The following FBXO36 variants were observed in gnomAD, a reference collection of about 807,000 sequenced individuals.
The protein encoded by FBXO36 is F-box protein 36.
FBXO36 carries 18 observed loss-of-function variants against 17.0 expected under a neutral mutation model. The ratio of observed to expected loss-of-function variants is 1.06; its 90% CI spans 0.73 to 1.57. FBXO36 has a LOEUF of 1.57. Ranked by LOEUF, FBXO36 falls within the 40% of genes most tolerant of loss-of-function variation. FBXO36 has a pLI of 0.00. For synonymous variants in FBXO36, 83 were observed against 85.3 expected, an observed-to-expected ratio of 0.97 and a Z score of 0.15; for missense variants, 229 against 221.9, an observed-to-expected ratio of 1.03 and a Z score of -0.20.
chr2:229,925,482 GAT>G (rs898310504), intron 1 of FBXO36, among the ~76,000 whole-genome samples: 3 of 152,076 alleles, frequency 2.0e-5, no homozygotes, highest in Non-Finnish European at 4.4e-5. Flanking sequence ...TGTTTTATAA[GAT>G]AGATTTTTTT....
At chr2:229,941,712 T>G (rs2076999652) in intron 1 of FBXO36, among the ~76,000 whole-genome samples, 1 of 152,056 alleles carries the variant, frequency 6.6e-6, no homozygotes, top group Admixed American at 6.6e-5. Context: ...ATCTCACCTT[T>G]TAGTAGAGAA....
At chr2:229,998,896 A>G (rs1024925105) in intron 3 of FBXO36, among the ~76,000 whole-genome samples, 45 of 142,704 alleles carry the variant, frequency 3.2e-4, no homozygotes, top group African/African-American at 1.2e-3. Flanking sequence ...TCTGCCTCCC[A>G]GGTTCACGCC....
At chr2:229,941,976 A>G (rs1419699472) in intron 1 of FBXO36, among the ~76,000 whole-genome samples, 1 of 152,134 alleles carries the variant, frequency 6.6e-6, no homozygotes, top group Non-Finnish European at 1.5e-5. Context: ...AGATTATGCC[A>G]CTGCACTCCA....
intron 1 of FBXO36, among the ~76,000 whole-genome samples, chr2:229,955,026 A>T (rs1306453908): frequency 1.3e-5 from 2 of 151,576 alleles, no homozygotes; most frequent in African/African-American, 4.9e-5. Flanking sequence ...ATATTTTTGT[A>T]TTTTTAGTAG....
At chr2:230,007,000 A>G (rs992524617) in intron 3 of FBXO36, among the ~76,000 whole-genome samples, 2 of 152,330 alleles carry the variant, frequency 1.3e-5, no homozygotes, top group East Asian at 1.9e-4. Context: ...CTCTGATTCT[A>G]TGTTGACCAA....
Position 229,982,364 on chromosome 2 carries a change from G to T in FBXO36, c.205+6015G>T, listed in dbSNP as rs59384754. 2.0e-5 allele frequency among the ~76,000 whole-genome samples: 3 copies of T among 152,160 alleles called. No homozygotes were observed. The East Asian group carries it at 5.8e-4, about 29-fold the overall frequency. ...TGCAAAGCCAACAATGGCAGGTCTT[G>T]TCTTTCTCACGAGGCATCACTCTCA... On this transcript the variant is annotated intron_variant, in intron 2 of 3. Transcript: ENST00000283946.
chr2:229,976,500 A>G (rs2077209107), intron 2 of FBXO36, 151 bp downstream of exon 2: 4 of 603,182 alleles, frequency 6.6e-6, no homozygotes, highest in Non-Finnish European at 1.1e-5. Flanking sequence ...AAAACTAGAA[A>G]ACTGTTGTTT....
intron 1 of FBXO36, among the ~76,000 whole-genome samples, chr2:229,955,859 C>T (rs1220098851): frequency 6.6e-6 from 1 of 152,190 alleles, no homozygotes; most frequent in Non-Finnish European, 1.5e-5. Flanking sequence ...ACATGTTTAA[C>T]AGGTTTAACA....
At chr2:229,933,110 A>G (rs2076947646) in intron 1 of FBXO36, among the ~76,000 whole-genome samples, 1 of 152,150 alleles carries the variant, frequency 6.6e-6, no homozygotes, top group African/African-American at 2.4e-5. Flanking sequence ...AAGATTGTAT[A>G]TTAGAGGCTG....
chr2:229,938,032 A>G (rs1350703305), intron 1 of FBXO36: 2 of 152,342 alleles, frequency 1.3e-5, no homozygotes, highest in African/African-American at 4.8e-5. Flanking sequence ...CAGTGGAGCG[A>G]TCTTGGCTTG....
intron 1 of FBXO36, among the ~76,000 whole-genome samples, chr2:229,961,532 C>T (rs2077121183): frequency 6.6e-6 from 1 of 152,198 alleles, no homozygotes; most frequent in Non-Finnish European, 1.5e-5. Context: ...CATGCCACCA[C>T]GCCCAGCTAA....
intron 2 of FBXO36, among the ~76,000 whole-genome samples, chr2:229,994,513 T>C (rs2077314731): frequency 1.3e-5 from 2 of 152,194 alleles, no homozygotes; most frequent in South Asian, 4.1e-4. Context: ...CATTCTGAAA[T>C]CAGAGAGCCC....
chr2:229,926,195 C>T (rs1038010593), intron 1 of FBXO36, among the ~76,000 whole-genome samples: 1 of 150,616 alleles, frequency 6.6e-6, no homozygotes, highest in Non-Finnish European at 1.5e-5. Flanking sequence ...TTTGGGAGGC[C>T]GACACAGGCA....
intron 1 of FBXO36, among the ~76,000 whole-genome samples, chr2:229,948,994 C>T (rs1017652291): frequency 4.6e-5 from 7 of 152,158 alleles, no homozygotes; most frequent in African/African-American, 9.7e-5. Context: ...CCACCACACC[C>T]GGCTAATTTT....
chr2:229,992,306 C>T (rs780400695), intron 2 of FBXO36, among the ~76,000 whole-genome samples: 2 of 151,918 alleles, frequency 1.3e-5, no homozygotes, highest in African/African-American at 2.4e-5. Context: ...TACAGGTGCC[C>T]GCCTCCATGC....
chr2:229,957,379 C>T (rs527774545), intron 1 of FBXO36, among the ~76,000 whole-genome samples: 1 of 152,178 alleles, frequency 6.6e-6, no homozygotes, highest in Non-Finnish European at 1.5e-5. Context: ...TAGTTTGAGA[C>T]TAGCCTGGCC....
intron 1 of FBXO36, among the ~76,000 whole-genome samples, chr2:229,964,695 A>G (rs2077141779): frequency 6.6e-6 from 1 of 151,950 alleles, no homozygotes; most frequent in Non-Finnish European, 1.5e-5. Context: ...TATTTTTTGT[A>G]TTTTTAGTAG....
At chr2:229,975,850 C>T (rs1560447044) in intron 1 of FBXO36, among the ~76,000 whole-genome samples, 1 of 151,492 alleles carries the variant, frequency 6.6e-6, no homozygotes, top group Admixed American at 6.6e-5. Flanking sequence ...TCTTGTTACC[C>T]AGGCTGGAGT....
rs1051849428 is a variant in FBXO36, at chr2:230,011,103, C to G, written c.*219C>G. The G allele has an allele frequency of 2.0e-6, 1 of 501,756 alleles. No homozygotes were observed. Among genetic ancestry groups the G allele is most frequent in the African/African-American group, 1.9e-5 (1 of 52,132 alleles). The allele number at this position is 501,756 out of a possible 1,614,324, so 31.1% of individuals were successfully genotyped here. On this transcript the variant is annotated 3_prime_UTR_variant, in exon 4 of 4. Coordinates refer to ENST00000283946, the MANE Select transcript of FBXO36 (RefSeq NM_174899.5). ...CTGAGGTCAAATCATGGCCCGAGGA[C>G]AAGGGCTGTAAGACAGGGAGCCCCA...
Sources: gnomAD v4.1 joint callset for allele counts (sites outside exome capture counted in the v4.1 genomes callset) on GRCh38, gnomAD v4.1.1 for gene constraint, MANE v1.5 for transcripts, NCBI Gene and HGNC (gene_info 2026-07-23, HGNC 2026-07-21) for gene names.